Variants in MCMDC2 observed in about 807,000 individuals in gnomAD.
The protein encoded by MCMDC2 is minichromosome maintenance domain containing 2, also known as minichromosome maintenance domain-containing protein 2.
Under a neutral mutation model 75.8 loss-of-function variants are expected in MCMDC2, and 54 were observed. The observed-to-expected ratio is 0.71, with a 90% CI of 0.57 to 0.89. The LOEUF (loss-of-function observed/expected upper bound fraction) is 0.89, where lower values mean the gene tolerates loss of function less well. Among genes scored for constraint, MCMDC2 ranks in the 40% least tolerant of loss-of-function variants. MCMDC2 has a pLI of 0.00. For missense variants in MCMDC2, 656 were observed against 780.4 expected (o/e 0.84, Z 1.90); for synonymous variants, 249 against 274.6 (o/e 0.91, Z 0.92).
At chr8:66,924,438 C>A (rs546503382), downstream of MCMDC2, among the ~76,000 whole-genome samples, 1 of 151,910 alleles carries the variant, frequency 6.6e-6, no homozygotes, top group African/African-American at 2.4e-5. Context: ...GAGTTCAAGA[C>A]CAGCCTGGCC....
rs1263436788 is a variant in MCMDC2 at position 66,920,689 on chromosome 8, A to T, written c.*1520A>T. On this transcript the variant is annotated 3_prime_UTR_variant, in exon 15 of 15. Transcript: ENST00000422365. Reference sequence around the variant, plus strand: ...GATCCTTTTACAATTGGAAAGTTTAAAAACTTTTTTTTTTGGAGACAGGGG... The same window carrying T: ...GATCCTTTTACAATTGGAAAGTTTATAAACTTTTTTTTTTGGAGACAGGGG... 6.6e-6 allele frequency: 1 copy of T among 151,958 alleles called. No homozygotes were observed. The highest frequency in any genetic ancestry group is 1.9e-4 in the East Asian group (1 of 5,194). 9.4% of individuals were successfully genotyped at this position (151,958 alleles called of 1,614,324 possible). A position where few individuals can be genotyped will look rare whatever the true frequency, so the allele number is the denominator to read the frequency against.
chr8:66,887,846 T>C (rs1195399403), intron 9 of MCMDC2, among the ~76,000 whole-genome samples: 1 of 152,198 alleles, frequency 6.6e-6, no homozygotes, highest in Admixed American at 6.5e-5. Flanking sequence ...GATACCATTG[T>C]TCAAATTCAA....
At chr8:66,886,251 G>A (rs1374559144) in intron 9 of MCMDC2, among the ~76,000 whole-genome samples, 5 of 146,442 alleles carry the variant, frequency 3.4e-5, no homozygotes, top group South Asian at 4.4e-4. Flanking sequence ...TGCAACCTCC[G>A]CCTCCTGTGT....
chr8:66,923,486 T>G (rs1364254140), downstream of MCMDC2, among the ~76,000 whole-genome samples: 1 of 152,146 alleles, frequency 6.6e-6, no homozygotes, highest in Non-Finnish European at 1.5e-5. Context: ...ATTAGGAATA[T>G]AAACTACTGG....
downstream of MCMDC2, chr8:66,922,554 G>A (rs760141887): frequency 1.9e-6 from 1 of 518,582 alleles, no homozygotes; most frequent in Non-Finnish European, 3.8e-6. Flanking sequence ...CATTGTGCCA[G>A]CTATTAAACC....
rs111251640 is a variant in MCMDC2, at chr8:66,898,366, C to T, written c.1626+1407C>T. On this transcript the variant is annotated intron_variant, in intron 12 of 14. Transcript: ENST00000422365. ...ATAGGCCAGGCAAGGTGGCTCACGCCTGTAATCCCAGCACTTTGGGAGGCC... is the reference window on the plus strand; with the variant it reads ...ATAGGCCAGGCAAGGTGGCTCACGCTTGTAATCCCAGCACTTTGGGAGGCC... Among the ~76,000 whole-genome samples the T allele has an allele frequency of 6.0e-3, 908 of 152,132 alleles. 6 individuals carry two copies. Among genetic ancestry groups the T allele is most frequent in the African/African-American group, 0.021 (878 of 41,500 alleles).
Position 66,877,547 on chromosome 8 carries a change from A to G in MCMDC2, c.481+3A>G, listed in dbSNP as rs1473556271. ...TGAAGCATGCCCTCTTTCAAAAGGTAAATGTTAAATAGGAAAATCAAAGCA... is the reference window on the plus strand; with the variant it reads ...TGAAGCATGCCCTCTTTCAAAAGGTGAATGTTAAATAGGAAAATCAAAGCA... On this transcript the variant is annotated splice_donor_region_variant and intron_variant, in intron 5 of 14. Coordinates refer to ENST00000422365, the MANE Select transcript of MCMDC2 (RefSeq NM_173518.5). The G allele has an allele frequency of 6.3e-7, 1 of 1,590,078 alleles. No homozygotes were observed. The highest frequency in any genetic ancestry group is 2.3e-5 in the East Asian group (1 of 43,974).
intron 1 of MCMDC2, among the ~76,000 whole-genome samples, chr8:66,872,467 A>G (rs1296203888): frequency 6.6e-6 from 1 of 152,240 alleles, no homozygotes; most frequent in Non-Finnish European, 1.5e-5. Context: ...GAAATATTTC[A>G]TATATGTTGT....
At chr8:66,924,949 G>T (rs1029215271), downstream of MCMDC2, among the ~76,000 whole-genome samples, 7 of 152,120 alleles carry the variant, frequency 4.6e-5, no homozygotes, top group Non-Finnish European at 1.5e-5. Flanking sequence ...CACAAAGTAC[G>T]GTTAACTAAG....
At chr8:66,905,113 A>C in intron 13 of MCMDC2, 113 bp from the exon 14 acceptor site, 1 of 830,500 alleles carries the variant, frequency 1.2e-6, no homozygotes, top group Non-Finnish European at 1.6e-6. Context: ...TTAAAGTAAG[A>C]ATATGCTTTA....
chr8:66,916,072 T>C (rs1382017831), intron 14 of MCMDC2, among the ~76,000 whole-genome samples: 1 of 151,846 alleles, frequency 6.6e-6, no homozygotes, highest in Admixed American at 6.6e-5. Flanking sequence ...ACAGCACACA[T>C]AGACAAACTA....
rs529756363 is a variant in MCMDC2 at position 66,906,847 on chromosome 8, G to A, written c.1879+1512G>A. Among the ~76,000 whole-genome samples, 34 of 151,640 alleles carry A rather than the reference G, an allele frequency of 2.2e-4. No homozygotes were observed. In the South Asian group the frequency reaches 7.1e-3, roughly 32 times the overall value. ...GCTGGAGTGCAATGGCATGATCTCG[G>A]CTCACTGCAACCTCTGCCTCCCAGG... On this transcript the variant is annotated intron_variant, in intron 14 of 14. Transcript: ENST00000422365.
chr8:66,903,799 C>T (rs1010973168), intron 13 of MCMDC2, among the ~76,000 whole-genome samples: 2 of 151,938 alleles, frequency 1.3e-5, no homozygotes, highest in African/African-American at 4.8e-5. Context: ...TATTCTGTCC[C>T]GGTCAACATT....
At chr8:66,878,761 A>G in intron 6 of MCMDC2, 54 bp from the exon 7 acceptor site, 1 of 1,432,218 alleles carries the variant, frequency 7.0e-7, no homozygotes, top group South Asian at 1.3e-5. Context: ...CAATATGGAA[A>G]TTAAATTGAA....
intron 14 of MCMDC2, among the ~76,000 whole-genome samples, chr8:66,917,380 C>G (rs917622742): frequency 6.6e-6 from 1 of 152,128 alleles, no homozygotes; most frequent in African/African-American, 2.4e-5. Context: ...AAGAGCTTAC[C>G]TCCTCATGGT....
intron 13 of MCMDC2, among the ~76,000 whole-genome samples, chr8:66,904,029 A>C (rs1225228275): frequency 1.3e-5 from 2 of 152,162 alleles, no homozygotes; most frequent in African/African-American, 2.4e-5. Context: ...AGATATGAAA[A>C]GGATTTGATA....
chr8:66,890,365 C>T (rs990524751), intron 9 of MCMDC2, among the ~76,000 whole-genome samples: 6 of 151,958 alleles, frequency 3.9e-5, no homozygotes, highest in Non-Finnish European at 7.4e-5. Context: ...TACGCCTGGC[C>T]ACCATGGATG....
rs370115455 is a variant in MCMDC2 at position 66,905,251 on chromosome 8, C to T, written c.1795C>T (p.Arg599Ter). ...CGTTTTCCTATCTGAAGCCCATGCA[C>T]GACTGAACTTAAGGAACAAAGTGCT... ...YLVFLSEAHARLNLRNKVLKE... is the reference protein window; with the variant it reads ...YLVFLSEAHA The change falls in exon 14 of 15, where the codon CGA (arginine) becomes TGA (stop). Residue 599 changes from arginine (R) to a stop codon, truncating the protein, a stop_gained. Coordinates refer to ENST00000422365, the MANE Select transcript of MCMDC2 (RefSeq NM_173518.5). LOFTEE classifies it high-confidence loss of function. 126 of 1,491,576 alleles carry T rather than the reference C, an allele frequency of 8.4e-5. 1 individual carries two copies. The highest frequency in any genetic ancestry group is 1.7e-4 in the Middle Eastern group (1 of 5,854). 92.4% of individuals were successfully genotyped at this position (1,491,576 alleles called of 1,614,324 possible).
At chr8:66,891,178 A>G in intron 10 of MCMDC2, 108 bp downstream of exon 10, 1 of 979,342 alleles carries the variant, frequency 1.0e-6, no homozygotes. Flanking sequence ...GGGTTTAAGA[A>G]ATTATGTTAG....
Sources: gnomAD v4.1 joint callset for allele counts (sites outside exome capture counted in the v4.1 genomes callset) on GRCh38, gnomAD v4.1.1 for gene constraint, MANE v1.5 for transcripts, NCBI Gene and HGNC (gene_info 2026-07-23, HGNC 2026-07-21) for gene names.